DPP10: variants seen among roughly 807,000 people sequenced by gnomAD.
The protein encoded by DPP10 is inactive dipeptidyl peptidase 10.
Under a neutral mutation model 120.9 loss-of-function variants are expected in DPP10, and 33 were observed. The observed-to-expected ratio is 0.27, with a 90% CI of 0.21 to 0.37. DPP10 has a LOEUF of 0.37. DPP10 is among the 10% of genes least tolerant of loss of function. The pLI is 1.00. For missense variants in DPP10, 816 were observed against 942.8 expected (o/e 0.87, Z 1.76); for synonymous variants, 337 against 326.1 (o/e 1.03, Z -0.36).
chr2:114,464,438 G>T (rs146026402), intron 1 of DPP10, among the ~76,000 whole-genome samples: 2 of 151,892 alleles, frequency 1.3e-5, no homozygotes, highest in Non-Finnish European at 2.9e-5. Flanking sequence ...TTTTAACTGG[G>T]TTATTTATTT....
chr2:115,244,222 A>ATG, intron 1 of DPP10, among the ~76,000 whole-genome samples: 1 of 42,604 alleles, frequency 2.3e-5, no homozygotes, highest in East Asian at 4.3e-4. Context: ...GTGTGTATAT[A>ATG]TATATATATA....
At chr2:115,535,721 G>A (rs1037858428) in intron 5 of DPP10, among the ~76,000 whole-genome samples, 4 of 151,082 alleles carry the variant, frequency 2.6e-5, no homozygotes, top group South Asian at 2.1e-4. Flanking sequence ...CCATTTTCAC[G>A]ATATTGATTC....
chr2:114,654,751 T>G (rs1464514213), intron 1 of DPP10, among the ~76,000 whole-genome samples: 1 of 152,150 alleles, frequency 6.6e-6, no homozygotes, highest in African/African-American at 2.4e-5. Context: ...GAGGGCTGTT[T>G]GAGGTCTACT....
At chr2:114,684,260 G>A (rs1198620275) in intron 1 of DPP10, among the ~76,000 whole-genome samples, 1 of 151,894 alleles carries the variant, frequency 6.6e-6, no homozygotes, top group Non-Finnish European at 1.5e-5. Flanking sequence ...TCAGGAACTT[G>A]CTCTTTTACC....
chr2:114,687,996 C>T (rs1253980311), intron 1 of DPP10, among the ~76,000 whole-genome samples: 1 of 151,972 alleles, frequency 6.6e-6, no homozygotes, highest in Non-Finnish European at 1.5e-5. Context: ...AAACATTTCT[C>T]CACTTATAGA....
chr2:115,407,531 C>T (rs1360748640), intron 3 of DPP10, among the ~76,000 whole-genome samples: 3 of 152,076 alleles, frequency 2.0e-5, no homozygotes, highest in African/African-American at 7.2e-5. Context: ...CATTTGGAGT[C>T]TGCTGGCCTG....
chr2:115,351,381 G>A (rs1328543696), intron 3 of DPP10, among the ~76,000 whole-genome samples: 2 of 151,980 alleles, frequency 1.3e-5, no homozygotes, highest in East Asian at 1.9e-4. Flanking sequence ...GGTGGGGAGC[G>A]GAGGAGGGGA....
chr2:115,427,194 T>C (rs1375582018), intron 3 of DPP10, among the ~76,000 whole-genome samples: 1 of 152,220 alleles, frequency 6.6e-6, no homozygotes, highest in Non-Finnish European at 1.5e-5. Flanking sequence ...TTCAAGCTGC[T>C]GTTGGCACCA....
intron 1 of DPP10, among the ~76,000 whole-genome samples, chr2:115,004,844 C>T (rs1701700841): frequency 6.6e-6 from 1 of 152,216 alleles, no homozygotes; most frequent in African/African-American, 2.4e-5. Flanking sequence ...AGCCGGGAAG[C>T]TTGAACTGGG....
At chr2:115,617,655 A>G (rs2084625725) in intron 5 of DPP10, among the ~76,000 whole-genome samples, 1 of 152,060 alleles carries the variant, frequency 6.6e-6, no homozygotes, top group African/African-American at 2.4e-5. Flanking sequence ...CCTAGGATCA[A>G]TAGGCTATAC....
At chr2:114,708,826 G>A in intron 1 of DPP10, among the ~76,000 whole-genome samples, 1 of 152,098 alleles carries the variant, frequency 6.6e-6, no homozygotes, top group Admixed American at 6.5e-5. Context: ...CACAATCTTG[G>A]CTCATTGCAA....
At chr2:115,117,455 C>T (rs916949321) in intron 1 of DPP10, among the ~76,000 whole-genome samples, 1 of 151,962 alleles carries the variant, frequency 6.6e-6, no homozygotes, top group Non-Finnish European at 1.5e-5. Flanking sequence ...CAAAATGTAT[C>T]TATTTAGTTG....
intron 1 of DPP10, among the ~76,000 whole-genome samples, chr2:114,833,082 A>G (rs1348852779): frequency 6.6e-6 from 1 of 152,122 alleles, no homozygotes; most frequent in African/African-American, 2.4e-5. Context: ...AGACTTGTGG[A>G]TTAAAATCTT....
chr2:115,231,982 G>T (rs979599577), intron 1 of DPP10, among the ~76,000 whole-genome samples: 8 of 152,162 alleles, frequency 5.3e-5, no homozygotes, highest in Non-Finnish European at 1.2e-4. Context: ...GAAATCACTG[G>T]TGTAGACTCC....
At chr2:115,163,342 C>A (rs1039507420) in intron 1 of DPP10, among the ~76,000 whole-genome samples, 2 of 152,154 alleles carry the variant, frequency 1.3e-5, no homozygotes, top group Non-Finnish European at 2.9e-5. Flanking sequence ...CTCTTCCCTC[C>A]CCTTCTCTTT....
At chr2:115,014,797 G>T (rs1337359409) in intron 1 of DPP10, among the ~76,000 whole-genome samples, 1 of 148,714 alleles carries the variant, frequency 6.7e-6, no homozygotes, top group Admixed American at 6.8e-5. Context: ...ACAGGAAGAA[G>T]TCGAATCCCT....
At chr2:114,469,667 G>T (rs1679739558) in intron 1 of DPP10, among the ~76,000 whole-genome samples, 2 of 152,284 alleles carry the variant, frequency 1.3e-5, no homozygotes, top group South Asian at 2.1e-4. Context: ...GGCCAAGGTT[G>T]CAGTGAGCTG....
intron 13 of DPP10, among the ~76,000 whole-genome samples, chr2:115,769,354 C>T (rs986822499): frequency 1.3e-5 from 2 of 152,044 alleles, no homozygotes; most frequent in Non-Finnish European, 2.9e-5. Context: ...GACCTGTGCA[C>T]ATTCTCAAAT....
At chr2:114,750,873 G>A (rs895875795) in intron 1 of DPP10, among the ~76,000 whole-genome samples, 1 of 152,236 alleles carries the variant, frequency 6.6e-6, no homozygotes, top group African/African-American at 2.4e-5. Context: ...ATTTGTATGT[G>A]ATTACAAGTT....
Sources: gnomAD v4.1 joint callset for allele counts (sites outside exome capture counted in the v4.1 genomes callset) on GRCh38, gnomAD v4.1.1 for gene constraint, MANE v1.5 for transcripts, NCBI Gene and HGNC (gene_info 2026-07-23, HGNC 2026-07-21) for gene names.